Variants in RPS6KB1 observed in about 807,000 individuals in gnomAD.
RPS6KB1 encodes ribosomal protein S6 kinase B1, also known as ribosomal protein S6 kinase beta-1.
RPS6KB1 carries 12 observed loss-of-function variants against 70.2 expected under a neutral mutation model. The ratio of observed to expected loss-of-function variants is 0.17; its 90% CI spans 0.11 to 0.28. The LOEUF is 0.28. RPS6KB1 is among the 10% of genes least tolerant of loss of function. The pLI, the probability that RPS6KB1 is intolerant of heterozygous loss-of-function variation, is 1.00. For missense variants in RPS6KB1, 270 were observed against 646.6 expected (o/e 0.42, Z 6.32); for synonymous variants, 175 against 211.2 (o/e 0.83, Z 1.49).
At chr17:59,910,435 T>C in intron 1 of RPS6KB1, 127 bp from the exon 2 acceptor site, 1 of 590,522 alleles carries the variant, frequency 1.7e-6, no homozygotes, top group Non-Finnish European at 2.9e-6. Flanking sequence ...TTGCCTGTTG[T>C]TGAAGTATAA....
At chr17:59,903,103 T>G (rs558155893) in intron 1 of RPS6KB1, among the ~76,000 whole-genome samples, 2 of 151,990 alleles carry the variant, frequency 1.3e-5, no homozygotes, top group East Asian at 3.9e-4. Context: ...GTCAAGAGTT[T>G]AAGACCAGTC....
At chr17:59,902,085 A>G (rs964988992) in intron 1 of RPS6KB1, among the ~76,000 whole-genome samples, 2 of 126,402 alleles carry the variant, frequency 1.6e-5, no homozygotes, top group African/African-American at 5.9e-5. Flanking sequence ...GACCTTTTAT[A>G]TTTGGTGGCT....
chr17:59,931,263 G>A (rs1170324536), intron 6 of RPS6KB1: 4 of 210,896 alleles, frequency 1.9e-5, no homozygotes, highest in Admixed American at 5.9e-5. Context: ...GGATTTTAAA[G>A]TTGGGTGTGG....
At chr17:59,908,920 A>ATT (rs1405952501) in intron 1 of RPS6KB1, among the ~76,000 whole-genome samples, 102 of 101,652 alleles carry the variant, frequency 1.0e-3, no homozygotes, top group African/African-American at 2.3e-3. Context: ...GCCCGGCCAA[A>ATT]TTTTTTTTTT....
intron 4 of RPS6KB1, among the ~76,000 whole-genome samples, chr17:59,923,547 G>T (rs373413054): frequency 6.6e-6 from 1 of 151,810 alleles, no homozygotes; most frequent in Non-Finnish European, 1.5e-5. Context: ...GTCTCGCTTT[G>T]TCCCCCAGGC....
rs535967472 is a variant in RPS6KB1, at chr17:59,945,705, A to T, written c.1340+187A>T. Among the ~76,000 whole-genome samples the T allele has an allele frequency of 5.3e-5, 8 of 152,268 alleles. 1 individual carries two copies. The South Asian group carries it at 1.7e-3, about 32-fold the overall frequency. On this transcript the variant is annotated intron_variant, in intron 14 of 14. Coordinates refer to ENST00000225577, the MANE Select transcript of RPS6KB1 (RefSeq NM_003161.4). The stretch of plus-strand genomic sequence containing the variant: ...ACTAATCTATGATGTTATATGGTTT[A>T]CCTTCCCTCCCAAAAGTAAGCAGCC...
intron 4 of RPS6KB1, among the ~76,000 whole-genome samples, chr17:59,920,067 G>A (rs1278889894): frequency 6.6e-6 from 1 of 151,614 alleles, no homozygotes. Flanking sequence ...TTCTTGTTTG[G>A]GATTGATTAC....
chr17:59,911,538 G>GTGT (rs2042635856), intron 2 of RPS6KB1, among the ~76,000 whole-genome samples: 2 of 74,740 alleles, frequency 2.7e-5, no homozygotes, highest in African/African-American at 1.2e-4. Context: ...TTTTTGTTGG[G>GTGT]TTTTTTTTTT....
chr17:59,931,423 C>T, intron 6 of RPS6KB1, 199 bp from the exon 7 acceptor site: 1 of 552,200 alleles, frequency 1.8e-6, no homozygotes, highest in East Asian at 3.1e-5. Flanking sequence ...TTTATAGTTT[C>T]ACTAAAATGA....
At chr17:59,929,869 T>C (rs2043839515) in intron 5 of RPS6KB1, among the ~76,000 whole-genome samples, 1 of 152,212 alleles carries the variant, frequency 6.6e-6, no homozygotes, top group African/African-American at 2.4e-5. Flanking sequence ...TTTGTAGATA[T>C]AAAACCTGGA....
Position 59,944,140 on chromosome 17 carries a change from T to C in RPS6KB1, c.1228-1266T>C, listed in dbSNP as rs2044785443. ...AAAATTATTCTCTGAAGTTCACATA[T>C]AACTGTCACAAATCATATGCACTTC... On this transcript the variant is annotated intron_variant, in intron 13 of 14. Coordinates refer to ENST00000225577, the MANE Select transcript of RPS6KB1 (RefSeq NM_003161.4). Among the ~76,000 whole-genome samples the C allele has an allele frequency of 2.0e-5, 3 of 152,120 alleles. No homozygotes were observed. The South Asian group carries it at 6.2e-4, about 31-fold the overall frequency.
intron 1 of RPS6KB1, among the ~76,000 whole-genome samples, chr17:59,908,694 C>T (rs1461028338): frequency 7.1e-6 from 1 of 140,846 alleles, no homozygotes; most frequent in African/African-American, 2.7e-5. Context: ...TCTCGGCTCA[C>T]TGCAAGCTCC....
intron 4 of RPS6KB1, among the ~76,000 whole-genome samples, chr17:59,916,601 A>G (rs540558870): frequency 7.2e-5 from 11 of 152,308 alleles, no homozygotes; most frequent in African/African-American, 2.6e-4. Flanking sequence ...TTTATTTCCC[A>G]GAGGCATATC....
intron 2 of RPS6KB1, chr17:59,912,479 C>G: frequency 2.1e-6 from 1 of 473,278 alleles, no homozygotes; most frequent in Non-Finnish European, 3.8e-6. Flanking sequence ...ATTGCCCATT[C>G]TATGAACAAG....
At chr17:59,915,790 T>TA (rs1568429786) in intron 4 of RPS6KB1, among the ~76,000 whole-genome samples, 1,813 of 131,680 alleles carry the variant, frequency 0.014, 63 homozygotes, top group African/African-American at 0.037. Flanking sequence ...TTTTTTTTTT[T>TA]TTTTTTTTTA....
chr17:59,927,537 G>A (rs575980423), intron 5 of RPS6KB1, among the ~76,000 whole-genome samples: 3 of 148,348 alleles, frequency 2.0e-5, no homozygotes, highest in South Asian at 2.1e-4. Flanking sequence ...ATGGAGTTTC[G>A]CTCTTCTCTC....
At chr17:59,941,004 A>G in intron 13 of RPS6KB1, 61 bp downstream of exon 13, 1 of 1,055,348 alleles carries the variant, frequency 9.5e-7, no homozygotes, top group East Asian at 2.4e-5. Context: ...GGCTCTTCAA[A>G]GAAAATTCAG....
chr17:59,938,992 G>A (rs2044421103), intron 12 of RPS6KB1, among the ~76,000 whole-genome samples: 1 of 152,000 alleles, frequency 6.6e-6, no homozygotes, highest in African/African-American at 2.4e-5. Context: ...TTTGTGAAAT[G>A]GTCTTATTCT....
At chr17:59,913,913 C>T (rs1008752248) in intron 3 of RPS6KB1, 3 of 152,206 alleles carry the variant, frequency 2.0e-5, no homozygotes, top group African/African-American at 7.2e-5. Context: ...GTTGGCCAGG[C>T]TGGTCTTGAA....
Sources: allele counts gnomAD v4.1 joint callset (sites outside exome capture counted in the v4.1 genomes callset), GRCh38; gene constraint gnomAD v4.1.1; transcripts MANE v1.5; gene names NCBI Gene and HGNC (gene_info 2026-07-23, HGNC 2026-07-21).